The following MCUR1 variants were observed in gnomAD, a reference collection of about 807,000 sequenced individuals.
The protein encoded by MCUR1 is mitochondrial calcium uniporter regulator 1, also known as MCU regulator 1.
A neutral mutation model predicts 42.0 loss-of-function variants in MCUR1; 37 were observed. The ratio of observed to expected loss-of-function variants is 0.88; its 90% CI spans 0.68 to 1.16. MCUR1 has a LOEUF of 1.16. Among genes scored for constraint, MCUR1 ranks in the 50% most tolerant of loss-of-function variants. The pLI is 0.00. For synonymous variants in MCUR1, 229 were observed against 196.2 expected, an observed-to-expected ratio of 1.17 and a Z score of -1.40; for missense variants, 469 against 468.4, an observed-to-expected ratio of 1.00 and a Z score of -0.01.
At chr6:13,791,647 A>G (rs1228792726) in intron 8 of MCUR1, among the ~76,000 whole-genome samples, 1 of 152,208 alleles carries the variant, frequency 6.6e-6, no homozygotes, top group Non-Finnish European at 1.5e-5. Flanking sequence ...CAAATTTCCA[A>G]TTCTATCAAT....
intron 6 of MCUR1, among the ~76,000 whole-genome samples, chr6:13,794,308 T>G (rs1759806654): frequency 6.6e-6 from 1 of 152,160 alleles, no homozygotes; most frequent in Non-Finnish European, 1.5e-5. Flanking sequence ...CTTAGTCATC[T>G]GTCACTTCTC....
intron 8 of MCUR1, among the ~76,000 whole-genome samples, 198 bp downstream of exon 8, chr6:13,791,680 T>A (rs923752558): frequency 2.0e-5 from 3 of 152,220 alleles, no homozygotes; most frequent in African/African-American, 7.2e-5. Flanking sequence ...AATTACTTTA[T>A]TTACTACTAA....
chr6:13,793,839 G>A (rs1561729440), intron 7 of MCUR1, 55 bp downstream of exon 7: 2 of 1,473,378 alleles, frequency 1.4e-6, no homozygotes, highest in South Asian at 1.1e-5. Context: ...ACCATGCATG[G>A]AACGAAGCAA....
chr6:13,796,291 CTTTTT>C (rs369077522), intron 6 of MCUR1, among the ~76,000 whole-genome samples: 1 of 139,264 alleles, frequency 7.2e-6, no homozygotes, highest in South Asian at 2.2e-4. Context: ...TTTTTCTTTT[CTTTTT>C]TTTTTTTTTG....
At chr6:13,808,067 T>C (rs1328690129) in intron 1 of MCUR1, among the ~76,000 whole-genome samples, 4 of 152,236 alleles carry the variant, frequency 2.6e-5, no homozygotes, top group African/African-American at 7.2e-5. Flanking sequence ...AGGAGGGCTC[T>C]GTTCATGAAT....
At chr6:13,803,197 A>G (rs2113469674) in intron 2 of MCUR1, among the ~76,000 whole-genome samples, 1 of 152,178 alleles carries the variant, frequency 6.6e-6, no homozygotes, top group East Asian at 1.9e-4. Flanking sequence ...GAGTAGCTGG[A>G]ATTACAGGCA....
intron 7 of MCUR1, 77 bp downstream of exon 7, chr6:13,793,817 T>C (rs1309505500): frequency 4.0e-6 from 5 of 1,265,558 alleles, no homozygotes; most frequent in Admixed American, 1.7e-5. Context: ...CTTCCTATTA[T>C]CATTACAAAC....
In MCUR1 at chr6:13,814,335, C is replaced by T. The variant is rs1024976877; in HGVS notation, c.95G>A (p.Gly32Asp). 6.6e-6 allele frequency: 10 copies of T among 1,510,430 alleles called. No homozygotes were observed. The African/African-American group carries it at 1.1e-4, about 17-fold the overall frequency. 93.6% of individuals were successfully genotyped at this position (1,510,430 alleles called of 1,614,324 possible). A position where few individuals can be genotyped will look rare whatever the true frequency, so the allele number is the denominator to read the frequency against. The change falls in exon 1 of 9, where the codon GGC (glycine) becomes GAC (aspartate). Residue 32 changes from glycine to aspartate, a missense_variant. Gly to Asp is a moderately conservative substitution (Grantham distance 94). Transcript: ENST00000379170. ...GCGGCGTGCTGAGGTTTCGCTGCCG[C>T]CCGGTCTTCCGCTGAGGCCCACGGG... The part of the protein sequence containing the change: ...FLPVGLSGRP[G>D]GSETSARRCL...
Position 13,806,831 on chromosome 6 carries a change from A to C in MCUR1, c.535+94T>G, listed in dbSNP as rs1008974918. ...TAAACACAAATAAAAAATAGAAGTC[A>C]AAGAGGAACATGAGAAATTAAATGA... is the stretch of plus-strand genomic sequence containing the variant. On this transcript the variant is annotated intron_variant, in intron 2 of 8. Transcript: ENST00000379170. The C allele has an allele frequency of 8.9e-6, 12 of 1,342,632 alleles. No individual in the cohort carries two copies. In the Admixed American group the frequency reaches 2.9e-4, roughly 33 times the overall value. 83.2% of individuals were successfully genotyped at this position (1,342,632 alleles called of 1,614,324 possible). A position where few individuals can be genotyped will look rare whatever the true frequency, so the allele number is the denominator to read the frequency against.
chr6:13,803,445 G>A (rs372144717), intron 2 of MCUR1, among the ~76,000 whole-genome samples: 1 of 152,322 alleles, frequency 6.6e-6, no homozygotes, highest in Non-Finnish European at 1.5e-5. Flanking sequence ...CTGAGTGCCT[G>A]GGAAATAGTT....
intron 1 of MCUR1, among the ~76,000 whole-genome samples, chr6:13,812,715 G>T (rs967415208): frequency 6.6e-6 from 1 of 152,120 alleles, no homozygotes; most frequent in African/African-American, 2.4e-5. Context: ...TATAGATATG[G>T]TCAACATTTA....
At chr6:13,792,041 T>G (rs1409809401) in intron 7 of MCUR1, 49 bp from the exon 8 acceptor site, 5 of 1,406,502 alleles carry the variant, frequency 3.6e-6, no homozygotes, top group Non-Finnish European at 5.0e-6. Context: ...ACGTCCCCTC[T>G]GCTCACCATC....
intron 7 of MCUR1, among the ~76,000 whole-genome samples, chr6:13,792,308 G>A (rs778084807): frequency 6.6e-6 from 1 of 152,178 alleles, no homozygotes; most frequent in South Asian, 2.1e-4. Context: ...GCATTTGTAA[G>A]CTCTAGGTTG....
Position 13,814,538 on chromosome 6 carries a change from G to A in MCUR1, c.-109C>T. ...ACAGCGGGAGCGAGCGTGGGCCACA[G>A]CGCAGGACCGCCCTTTCCTGCCGGG... On this transcript the variant is annotated 5_prime_UTR_variant, in exon 1 of 9. Coordinates refer to ENST00000379170, the MANE Select transcript of MCUR1 (RefSeq NM_001031713.4). 3 of 1,194,706 alleles carry A rather than the reference G, an allele frequency of 2.5e-6. No homozygotes were observed. The highest frequency in any genetic ancestry group is 3.2e-6 in the Non-Finnish European group (3 of 945,562). 74.0% of individuals were successfully genotyped at this position (1,194,706 alleles called of 1,614,324 possible).
intron 5 of MCUR1, 21 bp from the exon 6 acceptor site, chr6:13,798,925 AAAG>A (rs879087714): frequency 3.5e-6 from 5 of 1,416,692 alleles, no homozygotes; most frequent in Middle Eastern, 1.8e-4. Flanking sequence ...GGCAAACAAC[AAAG>A]AAGGAAAAAT....
At chr6:13,809,508 T>C (rs1374794791) in intron 1 of MCUR1, among the ~76,000 whole-genome samples, 5 of 152,160 alleles carry the variant, frequency 3.3e-5, no homozygotes, top group African/African-American at 1.2e-4. Flanking sequence ...ATCCATTCTG[T>C]AAACTTCTTG....
intron 8 of MCUR1, 46 bp downstream of exon 8, chr6:13,791,832 T>C: frequency 7.5e-7 from 1 of 1,330,862 alleles, no homozygotes; most frequent in Non-Finnish European, 1.1e-6. Context: ...ATTTTATAAA[T>C]TTATTTTCTT....
intron 1 of MCUR1, among the ~76,000 whole-genome samples, chr6:13,809,723 C>T (rs6918106): frequency 6.7e-6 from 1 of 148,318 alleles, no homozygotes; most frequent in South Asian, 2.1e-4. Context: ...GCAAGACCTC[C>T]TCTCAAAAAA....
chr6:13,807,761 A>G (rs1204723998), intron 1 of MCUR1, among the ~76,000 whole-genome samples: 2 of 152,162 alleles, frequency 1.3e-5, no homozygotes, highest in East Asian at 1.9e-4. Context: ...GAGGGTCTCA[A>G]TTTCTCCACA....
Sources: allele counts gnomAD v4.1 joint callset (sites outside exome capture counted in the v4.1 genomes callset), GRCh38; gene constraint gnomAD v4.1.1; transcripts MANE v1.5; gene names NCBI Gene and HGNC (gene_info 2026-07-23, HGNC 2026-07-21).